The following MDN1 variants were observed in gnomAD, a reference collection of about 807,000 sequenced individuals.
MDN1 encodes midasin.
MDN1 carries 266 observed loss-of-function variants against 669.2 expected under a neutral mutation model. The ratio of observed to expected loss-of-function variants is 0.40; its 90% CI spans 0.36 to 0.44. The LOEUF is 0.44. Ranked by LOEUF, MDN1 falls within the 20% of genes least tolerant of loss-of-function variation. The pLI is 1.00. For synonymous variants in MDN1, 2,385 were observed against 2,457.1 expected (o/e 0.97, Z 0.87); for missense variants, 5,940 against 6,754.0 (o/e 0.88, Z 4.22).
chr6:89,786,801 T>A (rs1359894823), intron 8 of MDN1, among the ~76,000 whole-genome samples: 1 of 151,438 alleles, frequency 6.6e-6, no homozygotes, highest in Admixed American at 6.6e-5. Context: ...GGCAGGTGCC[T>A]GTAATCCCAG....
At chr6:89,749,168 C>A in intron 26 of MDN1, 55 bp downstream of exon 26, 1 of 1,462,180 alleles carries the variant, frequency 6.8e-7, no homozygotes, top group Non-Finnish European at 9.2e-7. Flanking sequence ...ACAAAAGAAG[C>A]CATGAAATTT....
chr6:89,786,174 G>A (rs912587437), intron 8 of MDN1, among the ~76,000 whole-genome samples: 20 of 152,118 alleles, frequency 1.3e-4, no homozygotes, highest in South Asian at 8.3e-4. Flanking sequence ...CACGAGAATC[G>A]CTTGAACCCG....
Position 89,745,570 on chromosome 6 carries a change from C to G in MDN1, c.3961G>C (p.Glu1321Gln). ...TTCTTGAAATGTTTCTCAAGGACTTCTTGAATCACATCAATTTCCTCCTGC... is the reference window on the plus strand; with the variant it reads ...TTCTTGAAATGTTTCTCAAGGACTTGTTGAATCACATCAATTTCCTCCTGC... ...RKQEEIDVIQ[E>Q]VLEKHFKKKL... Residue 1321 changes from glutamate (E) to glutamine (Q), a missense_variant, in exon 28 of 102, where the codon GAA (glutamate) becomes CAA (glutamine). By Grantham distance (29) the Glu-to-Gln change is conservative (BLOSUM62 2). Coordinates refer to ENST00000369393, the MANE Select transcript of MDN1 (RefSeq NM_014611.3). 3.1e-6 allele frequency: 5 copies of G among 1,614,150 alleles called. No homozygotes were observed. The highest frequency in any genetic ancestry group is 3.4e-6 in the Non-Finnish European group (4 of 1,180,018).
chr6:89,678,889 TC>T, intron 74 of MDN1, 144 bp from the exon 75 acceptor site: 1 of 788,694 alleles, frequency 1.3e-6, no homozygotes, highest in South Asian at 2.6e-5. Flanking sequence ...CTTAACATAG[TC>T]CCTAGCATTT....
chr6:89,771,722 T>G (rs1002083015), intron 14 of MDN1, 101 bp from the exon 15 acceptor site: 91 of 1,022,796 alleles, frequency 8.9e-5, no homozygotes, highest in Non-Finnish European at 1.2e-4. Context: ...AGGGCTTTAT[T>G]TTTTGAGACA....
intron 53 of MDN1, among the ~76,000 whole-genome samples, chr6:89,704,132 G>C (rs897498400): frequency 6.6e-6 from 1 of 152,006 alleles, no homozygotes; most frequent in African/African-American, 2.4e-5. Flanking sequence ...TGTAATCCCA[G>C]CATTTACGGA....
At chr6:89,649,103 A>C (rs1030573356) in intron 97 of MDN1, among the ~76,000 whole-genome samples, 2 of 152,192 alleles carry the variant, frequency 1.3e-5, no homozygotes, top group Admixed American at 6.5e-5. Flanking sequence ...AAAAATTTTA[A>C]AAACCAATTT....
intron 28 of MDN1, 32 bp from the exon 29 acceptor site, chr6:89,745,443 A>G (rs1816556663): frequency 6.2e-6 from 10 of 1,613,966 alleles, no homozygotes; most frequent in Non-Finnish European, 8.5e-6. Context: ...TTTAGATTCT[A>G]ATGAGTACAA....
chr6:89,746,646 A>AGAAAGAAAGAAAGAAAGAAAGAAG (rs1816650687), intron 27 of MDN1, among the ~76,000 whole-genome samples: 4 of 149,804 alleles, frequency 2.7e-5, no homozygotes, highest in African/African-American at 9.8e-5. Context: ...AAAGAAAGAA[A>AGAAAGAAAGAAAGAAAGAAAGAAG]GAAAAAAAGT....
chr6:89,754,283 T>G, intron 20 of MDN1, 53 bp from the exon 21 acceptor site: 4 of 1,552,016 alleles, frequency 2.6e-6, no homozygotes, highest in Non-Finnish European at 3.5e-6. Flanking sequence ...GTATCCAGTA[T>G]TATCAATTCT....
In MDN1 at chr6:89,803,425, C is replaced by T. The variant is rs751583360; in HGVS notation, c.232G>A (p.Glu78Lys). 3.7e-6 allele frequency: 6 copies of T among 1,613,952 alleles called. No individual in the cohort carries two copies. Among genetic ancestry groups the T allele is most frequent in the Admixed American group, 1.7e-5 (1 of 59,978 alleles). The change falls in exon 2 of 102, where the codon GAA becomes AAA. Residue 78 changes from glutamate to lysine, a missense_variant. Around this residue, in one of 5 missense-constraint regions of MDN1, gnomAD observed 1,203 missense variants for 1,268.9 expected, o/e 0.95. Transcript: ENST00000369393. ...ATTTGGCCTCCAGCTTTAATGGCTT[C>T]GGCATTCCTTTCCAGCAAATCCAAA... Reference protein sequence around the residue: ...LLLDLLERNAEAIKAGGQINH... With the variant: ...LLLDLLERNAKAIKAGGQINH...
At chr6:89,663,131 T>C (rs547465746) in intron 85 of MDN1, among the ~76,000 whole-genome samples, 164 bp from the exon 86 acceptor site, 1 of 152,306 alleles carries the variant, frequency 6.6e-6, no homozygotes, top group South Asian at 2.1e-4. Context: ...TCTACTGACA[T>C]AGTCTTACTG....
chr6:89,745,326 T>C lies in MDN1; in HGVS notation c.4125A>G (p.Leu1375=), dbSNP rs980391445. 2 of 1,613,904 alleles carry C rather than the reference T, an allele frequency of 1.2e-6. No individual in the cohort carries two copies. The highest frequency in any genetic ancestry group is 1.7e-5 in the Admixed American group (1 of 60,002). Residue 1375 remains leucine, a synonymous_variant, in exon 29 of 102, where the codon CTA becomes CTG. Coordinates refer to ENST00000369393, the MANE Select transcript of MDN1 (RefSeq NM_014611.3). The part of the protein sequence containing the change: ...WTEGMRRLAM[L]VGRALEFGEP... ...CACCAAATTCCAATGCCCTTCCCACTAGCATCGCGAGTCTCCGCATGCCCT... is the reference window on the plus strand; with the variant it reads ...CACCAAATTCCAATGCCCTTCCCACCAGCATCGCGAGTCTCCGCATGCCCT...
At chr6:89,664,745 A>G in intron 84 of MDN1, 117 bp from the exon 85 acceptor site, 2 of 777,984 alleles carry the variant, frequency 2.6e-6, no homozygotes, top group Admixed American at 3.3e-5. Flanking sequence ...GGAAAAAAAA[A>G]GAGAAACAAC....
Position 89,719,125 on chromosome 6 carries a change from A to G in MDN1, c.6057+11T>C, listed in dbSNP as rs1211802498. 2 of 1,610,792 alleles carry G rather than the reference A, an allele frequency of 1.2e-6. No homozygotes were observed. The highest frequency in any genetic ancestry group is 1.7e-6 in the Non-Finnish European group (2 of 1,176,940). ...ATGTCAAAGGATAGAGGATTATCCT[A>G]GTCTCCTTACCTGAACATCATAGGG... On this transcript the variant is annotated intron_variant, in intron 41 of 101. Coordinates refer to ENST00000369393, the MANE Select transcript of MDN1 (RefSeq NM_014611.3).
rs370355605 is a variant in MDN1, at chr6:89,655,756, G to T, written c.15490+8C>A. ...TGGGCAAAGGCAGCAGCTTTCCCAG[G>T]ACCGTACCATAGGTCTGTGCATCGT... is the stretch of plus-strand genomic sequence containing the variant. On this transcript the variant is annotated splice_region_variant and intron_variant, in intron 92 of 101. Coordinates refer to ENST00000369393, the MANE Select transcript of MDN1 (RefSeq NM_014611.3). 3.6e-5 allele frequency: 57 copies of T among 1,591,890 alleles called. No homozygotes were observed. The highest frequency in any genetic ancestry group is 4.7e-5 in the Non-Finnish European group (55 of 1,168,766).
At position 89,743,604 on chromosome 6, in the gene MDN1, C is replaced by T. The variant is rs566640970; in HGVS notation, c.4289G>A (p.Arg1430Gln). The T allele has an allele frequency of 8.1e-6, 13 of 1,613,978 alleles. No homozygotes were observed. The African/African-American group carries it at 1.2e-4, about 15-fold the overall frequency. Residue 1430 changes from arginine to glutamine, a missense_variant, in exon 30 of 102, where the codon CGG (arginine) becomes CAG (glutamine). Coordinates refer to ENST00000369393, the MANE Select transcript of MDN1 (RefSeq NM_014611.3). ...GTCGTTTGGCTTTTGTCTCACTGGC[C>T]GCAGGCCACCCAGGAAGTCTGATGT... Reference protein sequence around the residue: ...METSDFLGGLRPVRQKPNDKE... With the variant: ...METSDFLGGLQPVRQKPNDKE...
chr6:89,675,370 T>C (rs992463993), intron 78 of MDN1, 94 bp downstream of exon 78: 3 of 1,000,790 alleles, frequency 3.0e-6, no homozygotes, highest in East Asian at 5.1e-5. Flanking sequence ...ATTGAGAGCA[T>C]GTCTTATTCC....
At chr6:89,667,554 A>G (rs1810342823) in intron 84 of MDN1, among the ~76,000 whole-genome samples, 1 of 152,222 alleles carries the variant, frequency 6.6e-6, no homozygotes, top group Non-Finnish European at 1.5e-5. Context: ...CAGCATCTGA[A>G]TAGTTCAGAA....
Sources: gnomAD v4.1 joint callset for allele counts (sites outside exome capture counted in the v4.1 genomes callset) on GRCh38, gnomAD v4.1.1 for gene constraint, gnomAD v4.1.1 regional missense constraint, MANE v1.5 for transcripts, NCBI Gene and HGNC (gene_info 2026-07-23, HGNC 2026-07-21) for gene names.